NOC3L: variants seen among roughly 807,000 people sequenced by gnomAD.
NOC3L encodes NOC3 like DNA replication regulator.
NOC3L carries 85 observed loss-of-function variants against 102.5 expected under a neutral mutation model. That is an observed-to-expected ratio of 0.83 (90% confidence interval 0.70 to 0.99). The LOEUF is 0.99. Among genes scored for constraint, NOC3L ranks in the 50% least tolerant of loss-of-function variants. The pLI, the probability that NOC3L is intolerant of heterozygous loss-of-function variation, is 0.00. For synonymous variants in NOC3L, 303 were observed against 309.4 expected (o/e 0.98, Z 0.22); for missense variants, 878 against 914.9 (o/e 0.96, Z 0.52).
chr10:94,324,368 A>C, the NOC3L span: 1 of 1,614,078 alleles, frequency 6.2e-7, no homozygotes, highest in Non-Finnish European at 8.5e-7. Context: ...AAAGCCAAAT[A>C]TTCCTACAGC....
chr10:94,340,594 A>C lies in NOC3L; in HGVS notation c.1645-98T>G, dbSNP rs966226633. 4.6e-5 allele frequency: 46 copies of C among 1,000,110 alleles called. No individual in the cohort carries two copies. The South Asian group carries it at 7.0e-4, about 15-fold the overall frequency. The allele number at this position is 1,000,110 out of a possible 1,614,324, so 62.0% of individuals were successfully genotyped here. A position where few individuals can be genotyped will look rare whatever the true frequency, so the allele number is the denominator to read the frequency against. On this transcript the variant is annotated intron_variant, in intron 14 of 20. Transcript: ENST00000371361. ...AAGAACTTTAAGGCCAGGAGCAAAG[A>C]CTCAAGCCTGTAATCCCAGCAATTT...
At chr10:94,315,880 A>C in the NOC3L span, among the ~76,000 whole-genome samples, 4 of 152,042 alleles carry the variant, frequency 2.6e-5, no homozygotes, top group African/African-American at 9.7e-5. Context: ...TAAGATTGCT[A>C]CTATTTCCAT....
At chr10:94,348,390 C>G (rs1051741105) in intron 10 of NOC3L, among the ~76,000 whole-genome samples, 1 of 151,906 alleles carries the variant, frequency 6.6e-6, no homozygotes, top group Non-Finnish European at 1.5e-5. Flanking sequence ...CAATCTGCAA[C>G]CTATGTAACA....
intron 4 of NOC3L, among the ~76,000 whole-genome samples, 186 bp downstream of exon 4, chr10:94,356,988 C>T (rs2054494031): frequency 6.6e-6 from 1 of 152,074 alleles, no homozygotes. Flanking sequence ...GTTGTCCTCA[C>T]AGTACAAATT....
At chr10:94,321,046 A>AAGCC in the NOC3L span, among the ~76,000 whole-genome samples, 1 of 152,172 alleles carries the variant, frequency 6.6e-6, no homozygotes, top group Non-Finnish European at 1.5e-5. Flanking sequence ...ATCCACCAAA[A>AAGCC]AGCCAATTAA....
chr10:94,360,567 C>A (rs56400969), intron 2 of NOC3L, among the ~76,000 whole-genome samples: 4,298 of 151,772 alleles, frequency 0.028, 69 homozygotes, highest in African/African-American at 0.047. Context: ...CTGGGAAAGG[C>A]AGTTGGAGGA....
At chr10:94,351,340 G>A (rs1050503474) in intron 8 of NOC3L, among the ~76,000 whole-genome samples, 2 of 151,452 alleles carry the variant, frequency 1.3e-5, no homozygotes, top group African/African-American at 4.9e-5. Context: ...TAAATAAGCT[G>A]GGTAAATGAG....
intron 8 of NOC3L, among the ~76,000 whole-genome samples, chr10:94,351,561 T>A (rs1444635560): frequency 6.6e-6 from 1 of 152,212 alleles, no homozygotes; most frequent in Non-Finnish European, 1.5e-5. Context: ...AGGGTCTCAC[T>A]CTATCGCCCA....
intron 20 of NOC3L, 81 bp from the exon 21 acceptor site, chr10:94,334,386 C>T (rs1046924939): frequency 1.4e-5 from 12 of 832,472 alleles, no homozygotes; most frequent in Non-Finnish European, 1.9e-5. Flanking sequence ...TTGAAAATGG[C>T]AACAGCTGAC....
chr10:94,338,275 T>C (rs1250427920), intron 18 of NOC3L, among the ~76,000 whole-genome samples: 1 of 152,200 alleles, frequency 6.6e-6, no homozygotes, highest in African/African-American at 2.4e-5. Context: ...AAAGTCTCCT[T>C]GGATAAGACT....
At chr10:94,355,335 C>T (rs1482072812) in intron 5 of NOC3L, among the ~76,000 whole-genome samples, 1 of 150,386 alleles carries the variant, frequency 6.6e-6, no homozygotes, top group African/African-American at 2.4e-5. Flanking sequence ...AAATAGGATT[C>T]AAGCTCATAA....
At chr10:94,324,282 A>C in the NOC3L span, 1 of 1,277,174 alleles carries the variant, frequency 7.8e-7, no homozygotes, top group Non-Finnish European at 1.1e-6. Flanking sequence ...TTAAAGTTTC[A>C]TATAGAATGA....
the NOC3L span, among the ~76,000 whole-genome samples, chr10:94,323,245 T>G: frequency 6.6e-6 from 1 of 152,188 alleles, no homozygotes. Context: ...GAAGTTTGCT[T>G]CCTTCATAGC....
At chr10:94,319,508 T>C in the NOC3L span, among the ~76,000 whole-genome samples, 3 of 152,182 alleles carry the variant, frequency 2.0e-5, no homozygotes, top group Admixed American at 6.5e-5. Flanking sequence ...TTTATAATTT[T>C]CTTGTCTCCT....
At chr10:94,362,017 A>T in intron 1 of NOC3L, 145 bp from the exon 2 acceptor site, 1 of 714,578 alleles carries the variant, frequency 1.4e-6, no homozygotes. Flanking sequence ...GCTAAAACCA[A>T]ACGATGGCTT....
At chr10:94,324,792 GCT>G in the NOC3L span, 1 of 1,250,344 alleles carries the variant, frequency 8.0e-7, no homozygotes, top group Non-Finnish European at 1.2e-6. Context: ...TCTCTCCAAA[GCT>G]CTAGAGAGAA....
In NOC3L at chr10:94,334,812, C is replaced by T; in HGVS notation, c.2190-94G>A. 10 of 881,782 alleles carry T rather than the reference C, an allele frequency of 1.1e-5. 1 individual carries two copies. Among genetic ancestry groups the T allele is most frequent in the South Asian group, 1.1e-4 (7 of 64,760 alleles). The allele number at this position is 881,782 out of a possible 1,614,324, so 54.6% of individuals were successfully genotyped here. A position where few individuals can be genotyped will look rare whatever the true frequency, so the allele number is the denominator to read the frequency against. On this transcript the variant is annotated intron_variant, in intron 19 of 20. Transcript: ENST00000371361. ...ACTCAGAGAATGATTCATTCTTAAC[C>T]CATATATTAAGGTATAAGATTTGAA...
At chr10:94,317,077 C>T in the NOC3L span, among the ~76,000 whole-genome samples, 56 of 151,888 alleles carry the variant, frequency 3.7e-4, no homozygotes, top group South Asian at 6.2e-4. Flanking sequence ...ATGGCGAAAC[C>T]CCATCTCTAC....
intron 7 of NOC3L, 58 bp from the exon 8 acceptor site, chr10:94,352,461 T>G: frequency 8.5e-7 from 1 of 1,179,182 alleles, no homozygotes. Context: ...AAGCCCAAAA[T>G]TAGTATAAAA....
Sources: allele counts gnomAD v4.1 joint callset (sites outside exome capture counted in the v4.1 genomes callset), GRCh38; gene constraint gnomAD v4.1.1; transcripts MANE v1.5; gene names NCBI Gene and HGNC (gene_info 2026-07-23, HGNC 2026-07-21).